The following AUTS2 variants were observed in gnomAD, a reference collection of about 807,000 sequenced individuals.
AUTS2 encodes the protein autism susceptibility gene 2 protein.
A neutral mutation model predicts 112.4 loss-of-function variants in AUTS2; 17 were observed. The ratio of observed to expected loss-of-function variants is 0.15; its 90% CI spans 0.10 to 0.23. AUTS2 has a LOEUF of 0.23. Among genes scored for constraint, AUTS2 ranks in the 10% least tolerant of loss-of-function variants. The pLI is 1.00. For synonymous variants in AUTS2, 751 were observed against 702.7 expected (o/e 1.07, Z -1.09); for missense variants, 1,510 against 1,701.6 (o/e 0.89, Z 1.98).
At chr7:70,762,210 T>G (rs1427078307) in intron 6 of AUTS2, among the ~76,000 whole-genome samples, 2 of 152,176 alleles carry the variant, frequency 1.3e-5, no homozygotes, top group African/African-American at 4.8e-5. Context: ...AAGGGAAAAA[T>G]CAACTTGTCA....
intron 2 of AUTS2, among the ~76,000 whole-genome samples, chr7:69,921,327 G>GTTTTTT (rs11289784): frequency 1.1e-5 from 1 of 90,400 alleles, no homozygotes; most frequent in Non-Finnish European, 2.2e-5. Flanking sequence ...TAGACTTGAA[G>GTTTTTT]TTTTTTTTTT....
chr7:70,290,051 G>A (rs1788638619), intron 4 of AUTS2, among the ~76,000 whole-genome samples: 3 of 152,240 alleles, frequency 2.0e-5, no homozygotes, highest in Non-Finnish European at 2.9e-5. Flanking sequence ...AAACTAAGAC[G>A]AGATTTCAGG....
intron 4 of AUTS2, among the ~76,000 whole-genome samples, chr7:70,341,137 T>C (rs1467677473): frequency 6.6e-6 from 1 of 152,262 alleles, no homozygotes. Context: ...TTCATTATTC[T>C]CATTCTGTCA....
At chr7:70,657,176 C>T (rs1806814098) in intron 5 of AUTS2, among the ~76,000 whole-genome samples, 1 of 152,188 alleles carries the variant, frequency 6.6e-6, no homozygotes. Context: ...TGCCAGTCAG[C>T]ATTCTCTGCA....
intron 1 of AUTS2, among the ~76,000 whole-genome samples, chr7:69,772,212 A>C (rs1788697706): frequency 6.6e-6 from 1 of 152,186 alleles, no homozygotes; most frequent in South Asian, 2.1e-4. Context: ...GGATAACTGA[A>C]GCTTACACAG....
intron 2 of AUTS2, among the ~76,000 whole-genome samples, chr7:69,955,185 G>A (rs1797167644): frequency 6.6e-6 from 1 of 152,154 alleles, no homozygotes; most frequent in African/African-American, 2.4e-5. Flanking sequence ...CCTCAAGGGT[G>A]TGTTCAGAGG....
At chr7:70,503,684 A>T (rs549211050) in intron 5 of AUTS2, among the ~76,000 whole-genome samples, 1 of 151,766 alleles carries the variant, frequency 6.6e-6, no homozygotes, top group South Asian at 2.1e-4. Flanking sequence ...TGCCCTGCTA[A>T]TGTTTTAAAT....
chr7:69,809,073 A>G (rs1790429874), intron 1 of AUTS2, among the ~76,000 whole-genome samples: 1 of 151,062 alleles, frequency 6.6e-6, no homozygotes, highest in South Asian at 2.1e-4. Flanking sequence ...TCATAGACAT[A>G]ATTTCCTTTT....
intron 1 of AUTS2, among the ~76,000 whole-genome samples, chr7:69,831,639 T>A (rs62894361): frequency 1.3e-5 from 2 of 151,578 alleles, no homozygotes; most frequent in African/African-American, 4.9e-5. Flanking sequence ...TTTTTTTTTT[T>A]AATCATCTGA....
At chr7:69,823,125 A>C (rs1584296589) in intron 1 of AUTS2, among the ~76,000 whole-genome samples, 1 of 152,192 alleles carries the variant, frequency 6.6e-6, no homozygotes, top group African/African-American at 2.4e-5. Context: ...ACTGTAAAAA[A>C]AACGAAGTCA....
At chr7:70,180,825 T>C (rs2129580680) in intron 4 of AUTS2, among the ~76,000 whole-genome samples, 1 of 152,342 alleles carries the variant, frequency 6.6e-6, no homozygotes, top group African/African-American at 2.4e-5. Context: ...GTCATCAATC[T>C]CTTTAAATAT....
At chr7:70,651,572 A>G (rs1366330957) in intron 5 of AUTS2, among the ~76,000 whole-genome samples, 3 of 152,224 alleles carry the variant, frequency 2.0e-5, no homozygotes, top group African/African-American at 4.8e-5. Context: ...AGCCTGTTTC[A>G]TAATAAAGTG....
chr7:70,548,065 G>T (rs1800860046), intron 5 of AUTS2, among the ~76,000 whole-genome samples: 3 of 152,116 alleles, frequency 2.0e-5, no homozygotes, highest in African/African-American at 7.2e-5. Context: ...TTCCAACTTT[G>T]TTCTTTTTCA....
At chr7:70,728,204 A>T (rs12533769) in intron 6 of AUTS2, among the ~76,000 whole-genome samples, 34,828 of 152,110 alleles carry the variant, frequency 0.23, 4,853 homozygotes, top group East Asian at 0.58. Flanking sequence ...TGCTGTCCTG[A>T]TCTGTGGATC....
chr7:69,661,600 T>A (rs893902247), intron 1 of AUTS2, among the ~76,000 whole-genome samples: 1 of 152,220 alleles, frequency 6.6e-6, no homozygotes, highest in African/African-American at 2.4e-5. Context: ...TTTTCTGATC[T>A]CTAAGGTCTG....
chr7:70,205,609 T>C (rs1354852127), intron 4 of AUTS2, among the ~76,000 whole-genome samples: 1 of 152,192 alleles, frequency 6.6e-6, no homozygotes, highest in Non-Finnish European at 1.5e-5. Flanking sequence ...CTAGGAGCAA[T>C]AGGCTATACC....
intron 5 of AUTS2, among the ~76,000 whole-genome samples, chr7:70,470,188 C>T (rs1797324979): frequency 6.6e-6 from 1 of 152,156 alleles, no homozygotes; most frequent in African/African-American, 2.4e-5. Context: ...CCTCCCCTGC[C>T]CAATCTCTGA....
intron 1 of AUTS2, among the ~76,000 whole-genome samples, chr7:69,875,919 G>A (rs951161805): frequency 1.1e-4 from 16 of 152,014 alleles, no homozygotes; most frequent in Non-Finnish European, 1.5e-4. Context: ...TTCACAAATG[G>A]TTGTTCCTAT....
intron 2 of AUTS2, among the ~76,000 whole-genome samples, chr7:69,984,054 G>A (rs1798403817): frequency 6.6e-6 from 1 of 152,090 alleles, no homozygotes; most frequent in Non-Finnish European, 1.5e-5. Flanking sequence ...AAATTTAAAT[G>A]TAAAGATTTT....
Sources: gnomAD v4.1 joint callset for allele counts (sites outside exome capture counted in the v4.1 genomes callset) on GRCh38, gnomAD v4.1.1 for gene constraint, MANE v1.5 for transcripts, NCBI Gene and HGNC (gene_info 2026-07-23, HGNC 2026-07-21) for gene names.